KHDRBS2: variants seen among roughly 807,000 people sequenced by gnomAD.
KHDRBS2 encodes KH RNA binding domain containing, signal transduction associated 2.
KHDRBS2 carries 26 observed loss-of-function variants against 44.3 expected under a neutral mutation model. That is an observed-to-expected ratio of 0.59 (90% CI 0.43 to 0.81). KHDRBS2 has a LOEUF of 0.81. KHDRBS2 is among the 40% of genes least tolerant of loss of function. The pLI, the probability that KHDRBS2 is intolerant of heterozygous loss-of-function variation, is 0.00. For missense variants in KHDRBS2, 476 were observed against 433.1 expected (o/e 1.10, Z -0.88); for synonymous variants, 194 against 151.1 (o/e 1.28, Z -2.08).
chr6:61,650,409 G>GTC, the KHDRBS2 span, among the ~76,000 whole-genome samples: 1 of 148,742 alleles, frequency 6.7e-6, no homozygotes. Context: ...TTAAAAAAAT[G>GTC]TTTTTTTTTT....
chr6:61,800,716 T>C (rs1331635492), intron 6 of KHDRBS2, among the ~76,000 whole-genome samples: 2 of 152,154 alleles, frequency 1.3e-5, no homozygotes, highest in Non-Finnish European at 2.9e-5. Context: ...ATTTCTGACC[T>C]AAGAATTGCA....
chr6:62,109,154 G>A (rs1001500767), intron 2 of KHDRBS2, among the ~76,000 whole-genome samples: 14 of 151,020 alleles, frequency 9.3e-5, no homozygotes, highest in African/African-American at 1.9e-4. Flanking sequence ...AGGGACGGTT[G>A]TCCTAGAAAT....
At chr6:61,903,776 C>T (rs995417467) in intron 4 of KHDRBS2, among the ~76,000 whole-genome samples, 2 of 152,064 alleles carry the variant, frequency 1.3e-5, no homozygotes, top group African/African-American at 4.8e-5. Context: ...ACCCTTATGC[C>T]ACCTGGTGAA....
chr6:61,688,404 G>C (rs1390905231), intron 8 of KHDRBS2, among the ~76,000 whole-genome samples: 1 of 151,886 alleles, frequency 6.6e-6, no homozygotes, highest in Non-Finnish European at 1.5e-5. Flanking sequence ...AATTCAGCTA[G>C]AGGCTTTTTG....
At chr6:61,587,770 C>T in the KHDRBS2 span, among the ~76,000 whole-genome samples, 1 of 152,108 alleles carries the variant, frequency 6.6e-6, no homozygotes, top group Non-Finnish European at 1.5e-5. Flanking sequence ...TAAACTGTCT[C>T]TGTCTTTCTC....
chr6:62,128,018 A>G (rs1162533448), intron 2 of KHDRBS2, among the ~76,000 whole-genome samples: 1 of 152,172 alleles, frequency 6.6e-6, no homozygotes, highest in Non-Finnish European at 1.5e-5. Flanking sequence ...TCTTTTATAG[A>G]ATTAGCAACT....
intron 4 of KHDRBS2, among the ~76,000 whole-genome samples, chr6:61,967,529 AGTGGG>A (rs1770301518): frequency 6.6e-6 from 1 of 151,838 alleles, no homozygotes; most frequent in Non-Finnish European, 1.5e-5. Context: ...ATAAAGGGTC[AGTGGG>A]GAAAGGAGAG....
At chr6:61,814,108 C>A in intron 6 of KHDRBS2, 1 of 453,814 alleles carries the variant, frequency 2.2e-6, no homozygotes. Context: ...CTTTTAAGTC[C>A]ACTCAAATGA....
chr6:61,670,752 G>A, the KHDRBS2 span, among the ~76,000 whole-genome samples: 1 of 151,346 alleles, frequency 6.6e-6, no homozygotes, highest in Admixed American at 6.6e-5. Context: ...ATACTTTATA[G>A]ATAAGAAATC....
intron 2 of KHDRBS2, among the ~76,000 whole-genome samples, chr6:62,096,731 TC>T (rs1255394573): frequency 3.9e-5 from 6 of 151,916 alleles, no homozygotes; most frequent in Non-Finnish European, 8.8e-5. Context: ...TCTGCTCTTA[TC>T]TTTATTATTT....
chr6:61,985,832 C>T (rs572128000), intron 3 of KHDRBS2, among the ~76,000 whole-genome samples: 19 of 152,216 alleles, frequency 1.2e-4, no homozygotes, highest in Middle Eastern at 3.4e-3. Context: ...GAAAATACTA[C>T]GATCCAAATA....
intron 4 of KHDRBS2, among the ~76,000 whole-genome samples, chr6:61,951,382 C>A (rs1764708368): frequency 6.6e-6 from 1 of 152,022 alleles, no homozygotes; most frequent in Admixed American, 6.6e-5. Flanking sequence ...TTATACTTAT[C>A]AATCTACCAA....
At chr6:62,034,579 T>G (rs1280956306) in intron 3 of KHDRBS2, among the ~76,000 whole-genome samples, 1 of 151,164 alleles carries the variant, frequency 6.6e-6, no homozygotes, top group Non-Finnish European at 1.5e-5. Flanking sequence ...AAAATGCATT[T>G]GATAATATTC....
At chr6:61,566,813 ACTT>A in the KHDRBS2 span, among the ~76,000 whole-genome samples, 1 of 152,180 alleles carries the variant, frequency 6.6e-6, no homozygotes, top group African/African-American at 2.4e-5. Context: ...GCTGACACTC[ACTT>A]CTTAGAGTAT....
chr6:61,700,538 C>T (rs774476576), intron 7 of KHDRBS2, among the ~76,000 whole-genome samples: 12 of 151,240 alleles, frequency 7.9e-5, no homozygotes, highest in Non-Finnish European at 1.0e-4. Flanking sequence ...TCATTTCTTC[C>T]ATAGATAAAT....
intron 2 of KHDRBS2, among the ~76,000 whole-genome samples, chr6:62,097,376 T>C (rs1375100733): frequency 4.6e-5 from 7 of 152,092 alleles, no homozygotes; most frequent in Non-Finnish European, 7.4e-5. Context: ...TCTCTTTAAG[T>C]CTAATAATAT....
intron 1 of KHDRBS2, among the ~76,000 whole-genome samples, chr6:62,219,500 T>C (rs1585259325): frequency 6.6e-6 from 1 of 151,534 alleles, no homozygotes; most frequent in African/African-American, 2.4e-5. Flanking sequence ...CAACATGAAA[T>C]AGCGAAAAAT....
chr6:61,628,060 A>T, the KHDRBS2 span, among the ~76,000 whole-genome samples: 2 of 151,984 alleles, frequency 1.3e-5, no homozygotes, highest in Non-Finnish European at 1.5e-5. Context: ...TATTCTTTAG[A>T]TCCTGAAGCA....
intron 1 of KHDRBS2, among the ~76,000 whole-genome samples, chr6:62,269,925 G>A (rs777085710): frequency 3.3e-5 from 5 of 152,062 alleles, no homozygotes; most frequent in African/African-American, 4.8e-5. Flanking sequence ...ATTAATAAAT[G>A]CAACAACATG....
Sources: allele counts gnomAD v4.1 joint callset (sites outside exome capture counted in the v4.1 genomes callset), GRCh38; gene constraint gnomAD v4.1.1; transcripts MANE v1.5; gene names NCBI Gene and HGNC (gene_info 2026-07-23, HGNC 2026-07-21).